The following KDM6A variants were observed in gnomAD, a reference collection of about 807,000 sequenced individuals.
KDM6A encodes the protein lysine-specific demethylase 6A.
A neutral mutation model predicts 117.6 loss-of-function variants in KDM6A; 11 were observed. The observed-to-expected ratio is 0.09, with a 90% CI of 0.06 to 0.15. KDM6A has a LOEUF of 0.15. KDM6A is among the 10% of genes least tolerant of loss of function. The probability of loss-of-function intolerance (pLI) is 1.00; values close to 1 mark genes in which losing one functional copy is unlikely to be tolerated. For synonymous variants in KDM6A, 384 were observed against 396.1 expected (o/e 0.97, Z 0.36); for missense variants, 799 against 1,077.3 (o/e 0.74, Z 3.62).
Position 45,005,822 on chromosome X carries a change from C to T in KDM6A, c.385-5139C>T, listed in dbSNP as rs1324667554. Among the ~76,000 whole-genome samples the T allele has an allele frequency of 6.4e-5, 7 of 109,012 alleles. No homozygotes were observed. In the East Asian group the frequency reaches 1.2e-3, roughly 18 times the overall value. 94.7% of individuals were successfully genotyped at this position (109,012 alleles called of 115,157 possible). A position where few individuals can be genotyped will look rare whatever the true frequency, so the allele number is the denominator to read the frequency against. On this transcript the variant is annotated intron_variant, in intron 4 of 29. Transcript: ENST00000611820. ...ATTTGTCACCTTTTGTGGGGAGGCT[C>T]AATTTCCCCCACTGGAAATTTCTCA...
intron 6 of KDM6A, among the ~76,000 whole-genome samples, chrX:45,029,124 G>A (rs1051076978): frequency 8.9e-6 from 1 of 111,896 alleles, no homozygotes; most frequent in Non-Finnish European, 1.9e-5. Flanking sequence ...AGCAGTCACT[G>A]TATTGTCACA....
chrX:44,978,012 CTTTG>C (rs1053474237), intron 4 of KDM6A, among the ~76,000 whole-genome samples: 1 of 111,666 alleles, frequency 9.0e-6, no homozygotes, highest in Admixed American at 9.5e-5. Context: ...TGTTGTTTTG[CTTTG>C]TTTTTGTGTG....
intron 8 of KDM6A, among the ~76,000 whole-genome samples, chrX:45,044,016 TGTA>T (rs2043415737): frequency 1.8e-5 from 2 of 111,819 alleles, no homozygotes; most frequent in South Asian, 3.7e-4. Flanking sequence ...GTATTGTAAT[TGTA>T]GTATTCTGTA....
chrX:44,890,456 A>G, intron 2 of KDM6A, among the ~76,000 whole-genome samples: 1 of 111,011 alleles, frequency 9.0e-6, no homozygotes, highest in Admixed American at 9.7e-5. Context: ...TATAAAAACC[A>G]TCAAACTGTT....
In KDM6A at chrX:44,993,641, G is replaced by C. The variant is rs765524907; in HGVS notation, c.385-17320G>C. ...TTAATGTCTTTTAAAAGCTCTCCTC[G>C]CGGATCACGAGGTCAAGAGATCGAG... On this transcript the variant is annotated intron_variant, in intron 4 of 29. Transcript: ENST00000611820. Among the ~76,000 whole-genome samples the C allele has an allele frequency of 2.7e-5, 3 of 111,219 alleles. No individual in the cohort carries two copies. In the Admixed American group the frequency reaches 2.9e-4, roughly 11 times the overall value.
intron 2 of KDM6A, among the ~76,000 whole-genome samples, chrX:44,939,077 C>T (rs759838778): frequency 2.7e-5 from 3 of 112,390 alleles, no homozygotes; most frequent in Non-Finnish European, 3.8e-5. Context: ...AACACAACAT[C>T]CATTGTGCAG....
At chrX:44,908,505 C>T (rs1305703337) in intron 2 of KDM6A, among the ~76,000 whole-genome samples, 1 of 111,597 alleles carries the variant, frequency 9.0e-6, no homozygotes, top group Non-Finnish European at 1.9e-5. Context: ...GCTGTGTTGT[C>T]AACCCAAGGG....
chrX:45,075,014 TA>T (rs1202363211), intron 18 of KDM6A, among the ~76,000 whole-genome samples: 1 of 111,623 alleles, frequency 9.0e-6, no homozygotes, highest in Non-Finnish European at 1.9e-5. Context: ...GATGCTCTTG[TA>T]TAGCACAGTT....
chrX:45,042,287 GAGAGGGGAGAGGGGAGAGGGA>G lies in KDM6A; in HGVS notation c.654+4599_654+4619del, dbSNP rs2043296935. 4.4e-4 allele frequency among the ~76,000 whole-genome samples: 28 copies of G among 63,754 alleles called. 4 individuals are homozygous for G. The highest frequency in any genetic ancestry group is 2.9e-3 in the African/African-American group (25 of 8,594). The allele number at this position is 63,754 out of a possible 115,157, so 55.4% of individuals were successfully genotyped here. On this transcript the variant is annotated intron_variant, in intron 8 of 29. Transcript: ENST00000611820. Reference sequence around the variant, plus strand: ...AGGGGAGAGGGGAGAGGGGAGAGGGGAGAGGGGAGAGGGGAGAGGGAGAGTCATTTGATAAATTTTAATACT... The same window carrying G: ...AGGGGAGAGGGGAGAGGGGAGAGGGGGAGTCATTTGATAAATTTTAATACT...
At chrX:44,911,286 C>T (rs1373241253) in intron 2 of KDM6A, among the ~76,000 whole-genome samples, 6 of 105,817 alleles carry the variant, frequency 5.7e-5, no homozygotes, top group African/African-American at 1.7e-4. Flanking sequence ...GGCTGCTGGG[C>T]GGAGGGGCTC....
At chrX:44,990,116 G>A (rs889851627) in intron 4 of KDM6A, among the ~76,000 whole-genome samples, 3 of 112,192 alleles carry the variant, frequency 2.7e-5, no homozygotes, top group African/African-American at 9.7e-5. Context: ...GCAACAGTTA[G>A]CACTGTTTTG....
chrX:44,895,982 C>CTGG (rs1407815848), intron 2 of KDM6A, among the ~76,000 whole-genome samples: 1 of 110,485 alleles, frequency 9.1e-6, no homozygotes, highest in Non-Finnish European at 1.9e-5. Flanking sequence ...TAACTTACCA[C>CTGG]TGTCTACTGG....
intron 2 of KDM6A, among the ~76,000 whole-genome samples, chrX:44,933,428 C>T (rs919387830): frequency 9.5e-6 from 1 of 105,702 alleles, no homozygotes; most frequent in African/African-American, 3.5e-5. Context: ...CCTGCCACCA[C>T]GCCCGGCTAA....
intron 4 of KDM6A, among the ~76,000 whole-genome samples, chrX:44,997,248 T>G (rs1410130128): frequency 1.8e-5 from 2 of 112,165 alleles, no homozygotes; most frequent in Non-Finnish European, 3.8e-5. Flanking sequence ...ACATGTGGGC[T>G]TGGAGAATTA....
chrX:44,921,489 T>C (rs938017182), intron 2 of KDM6A, among the ~76,000 whole-genome samples: 5 of 111,566 alleles, frequency 4.5e-5, no homozygotes, highest in African/African-American at 1.6e-4. Context: ...TCCTTTGTGC[T>C]GTCCCTTTAT....
intron 27 of KDM6A, among the ~76,000 whole-genome samples, chrX:45,096,156 C>T (rs1029580829): frequency 5.4e-5 from 6 of 111,297 alleles, no homozygotes; most frequent in Non-Finnish European, 1.1e-4. Context: ...GATATACAAA[C>T]ATAGTCTTCT....
intron 5 of KDM6A, among the ~76,000 whole-genome samples, chrX:45,019,570 G>T (rs972529701): frequency 8.9e-6 from 1 of 111,844 alleles, no homozygotes; most frequent in Non-Finnish European, 1.9e-5. Context: ...TTATACAAAA[G>T]ATTGTTTTTG....
chrX:45,069,418 T>C (rs1399635814), intron 17 of KDM6A, among the ~76,000 whole-genome samples, 161 bp from the exon 18 acceptor site: 1 of 112,571 alleles, frequency 8.9e-6, no homozygotes, highest in African/African-American at 3.2e-5. Context: ...AAATACTGAT[T>C]AGCTAAGTTG....
intron 5 of KDM6A, among the ~76,000 whole-genome samples, chrX:45,020,270 AC>A (rs2042122193): frequency 9.0e-6 from 1 of 111,284 alleles, no homozygotes; most frequent in Non-Finnish European, 1.9e-5. Context: ...TGTTTGCCCC[AC>A]CCTGTTTTCC....
Sources: gnomAD v4.1 joint callset for allele counts (sites outside exome capture counted in the v4.1 genomes callset) on GRCh38, gnomAD v4.1.1 for gene constraint, MANE v1.5 for transcripts, NCBI Gene and HGNC (gene_info 2026-07-23, HGNC 2026-07-21) for gene names.